The following KLHL13 variants were observed in gnomAD, a reference collection of about 807,000 sequenced individuals.
KLHL13 encodes the protein kelch like family member 13.
Under a neutral mutation model 37.1 loss-of-function variants are expected in KLHL13, and 10 were observed. The ratio of observed to expected loss-of-function variants is 0.27; its 90% CI spans 0.17 to 0.46. KLHL13 has a LOEUF of 0.46. Among genes scored for constraint, KLHL13 ranks in the 20% least tolerant of loss-of-function variants. The pLI, the probability that KLHL13 is intolerant of heterozygous loss-of-function variation, is 1.00. For synonymous variants in KLHL13, 163 were observed against 181.2 expected, an observed-to-expected ratio of 0.90 and a Z score of 0.81; for missense variants, 360 against 509.3, an observed-to-expected ratio of 0.71 and a Z score of 2.82.
intron 1 of KLHL13, among the ~76,000 whole-genome samples, chrX:118,097,433 T>C (rs1326133727): frequency 9.0e-6 from 1 of 111,025 alleles, no homozygotes; most frequent in Non-Finnish European, 1.9e-5. Flanking sequence ...TAAAAGAGGA[T>C]ACAAACAAAT....
chrX:118,080,484 T>C (rs2054978898), intron 1 of KLHL13, among the ~76,000 whole-genome samples: 2 of 110,600 alleles, frequency 1.8e-5, no homozygotes, highest in Admixed American at 1.9e-4. Context: ...TCAAAAGATA[T>C]ACAAGCAGCC....
At chrX:118,101,162 T>C (rs929495941) in intron 1 of KLHL13, among the ~76,000 whole-genome samples, 2 of 111,966 alleles carry the variant, frequency 1.8e-5, no homozygotes, top group Non-Finnish European at 3.8e-5. Flanking sequence ...CTGATGTTTA[T>C]TTCAAATTAT....
At chrX:117,997,085 C>G (rs2081374364) in intron 1 of KLHL13, among the ~76,000 whole-genome samples, 1 of 111,449 alleles carries the variant, frequency 9.0e-6, no homozygotes, top group Non-Finnish European at 1.9e-5. Context: ...TACTCACTTG[C>G]ACTTTGCAAC....
At chrX:117,965,447 T>G (rs1367768680) in intron 1 of KLHL13, among the ~76,000 whole-genome samples, 1 of 111,508 alleles carries the variant, frequency 9.0e-6, no homozygotes, top group Non-Finnish European at 1.9e-5. Flanking sequence ...TTTTTTGTTG[T>G]AAATTTGTTT....
chrX:117,960,433 C>T (rs892136828), intron 1 of KLHL13, among the ~76,000 whole-genome samples: 5 of 110,718 alleles, frequency 4.5e-5, no homozygotes, highest in African/African-American at 1.3e-4. Context: ...AGACAGTCCT[C>T]ACCTGTTATT....
intron 1 of KLHL13, among the ~76,000 whole-genome samples, chrX:118,002,651 T>C (rs1316294483): frequency 9.3e-6 from 1 of 107,439 alleles, no homozygotes; most frequent in Non-Finnish European, 1.9e-5. Flanking sequence ...AATAAAATGC[T>C]GTGGGATGGA....
intron 1 of KLHL13, among the ~76,000 whole-genome samples, chrX:118,021,568 C>T (rs1395232356): frequency 4.5e-5 from 5 of 110,580 alleles, no homozygotes; most frequent in Non-Finnish European, 9.4e-5. Context: ...AGGACATGAA[C>T]TCATCATTTT....
At chrX:117,962,407 T>A (rs891362645) in intron 1 of KLHL13, among the ~76,000 whole-genome samples, 2 of 109,625 alleles carry the variant, frequency 1.8e-5, no homozygotes, top group Admixed American at 2.0e-4. Context: ...GGTAGAACCC[T>A]TGGAACGTGC....
At chrX:117,965,797 C>T (rs1247087467) in intron 1 of KLHL13, among the ~76,000 whole-genome samples, 1 of 111,754 alleles carries the variant, frequency 8.9e-6, no homozygotes, top group Admixed American at 9.5e-5. Flanking sequence ...GAACTAACAA[C>T]AAAAACCACA....
In KLHL13 at chrX:117,998,031, C is replaced by A. The variant is rs147822728; in HGVS notation, c.-55-52456G>T. 3.7e-3 allele frequency among the ~76,000 whole-genome samples: 403 copies of A among 110,368 alleles called. 3 individuals are homozygous for A. The highest frequency in any genetic ancestry group is 0.011 in the African/African-American group (335 of 30,355). On this transcript the variant is annotated intron_variant, in intron 1 of 6. Transcript: ENST00000371882. ...TGCCTCACCAAGACAGAAATTGAGA[C>A]GCAGGGAAGCCAAAAGCAATGCTGG...
intron 2 of KLHL13, among the ~76,000 whole-genome samples, chrX:117,941,774 C>T (rs1025247936): frequency 9.0e-6 from 1 of 111,228 alleles, no homozygotes; most frequent in African/African-American, 3.3e-5. Context: ...TTGATCTTTT[C>T]AAAAAACCAG....
chrX:117,918,796 C>T (rs767181471), intron 4 of KLHL13, among the ~76,000 whole-genome samples: 2 of 111,522 alleles, frequency 1.8e-5, no homozygotes, highest in East Asian at 5.7e-4. Flanking sequence ...TACAGGTTTG[C>T]CCATAGGTAT....
Position 118,022,209 on chromosome X carries a change from T to TTG in KLHL13, c.-55-76636_-55-76635dup, listed in dbSNP as rs765580560. On this transcript the variant is annotated intron_variant, in intron 1 of 6. Coordinates refer to the KLHL13 transcript ENST00000371882. The stretch of plus-strand genomic sequence containing the variant: ...TTTAAAAGACTGAATAATATCCCAT[T>TTG]TGTGTGTGTGTGTCACAATTTCTTT... Among the ~76,000 whole-genome samples the TTG allele has an allele frequency of 1.1e-4, 12 of 111,888 alleles. No individual in the cohort carries two copies. In the East Asian group the frequency reaches 3.1e-3, roughly 29 times the overall value.
chrX:118,020,469 G>T (rs1294706326), intron 1 of KLHL13, among the ~76,000 whole-genome samples: 2 of 110,960 alleles, frequency 1.8e-5, no homozygotes, highest in Non-Finnish European at 1.9e-5. Flanking sequence ...TTAGAATGGC[G>T]ATCATTAAAA....
chrX:118,100,657 A>G (rs772080683), intron 1 of KLHL13, among the ~76,000 whole-genome samples: 1 of 111,288 alleles, frequency 9.0e-6, no homozygotes, highest in East Asian at 2.8e-4. Context: ...AAAACTGCCA[A>G]TGGTTTCCCT....
chrX:117,908,627 A>T (rs1474207484), intron 5 of KLHL13, among the ~76,000 whole-genome samples: 1 of 112,020 alleles, frequency 8.9e-6, no homozygotes, highest in Non-Finnish European at 1.9e-5. Flanking sequence ...ACATAGCCAA[A>T]GTATTCTACA....
intron 2 of KLHL13, among the ~76,000 whole-genome samples, chrX:117,925,805 C>A (rs1285146191): frequency 2.7e-5 from 3 of 111,514 alleles, no homozygotes; most frequent in Non-Finnish European, 5.6e-5. Context: ...AATTTTTTTT[C>A]ACCTGGAATA....
At chrX:118,097,406 A>G (rs1191456560) in intron 1 of KLHL13, among the ~76,000 whole-genome samples, 3 of 111,295 alleles carry the variant, frequency 2.7e-5, no homozygotes, top group Non-Finnish European at 5.6e-5. Context: ...AGAACTACAA[A>G]CCACTGCTCA....
intron 1 of KLHL13, among the ~76,000 whole-genome samples, chrX:117,958,839 T>C (rs910550828): frequency 9.9e-5 from 11 of 111,637 alleles, no homozygotes; most frequent in African/African-American, 3.6e-4. Context: ...ACAAAACGAT[T>C]GCCAACTTTT....
Sources: allele counts gnomAD v4.1 joint callset (sites outside exome capture counted in the v4.1 genomes callset), GRCh38; gene constraint gnomAD v4.1.1; transcripts MANE v1.5; gene names NCBI Gene and HGNC (gene_info 2026-07-23, HGNC 2026-07-21).